Variants in FTO observed in about 807,000 individuals in gnomAD.
FTO encodes the protein FTO alpha-ketoglutarate dependent dioxygenase.
In FTO, 47 loss-of-function variants were observed where a neutral mutation model predicts 63.9. The ratio of observed to expected loss-of-function variants is 0.74; its 90% CI spans 0.58 to 0.94. The LOEUF is 0.94. Among genes scored for constraint, FTO ranks in the 40% least tolerant of loss-of-function variants. The probability of loss-of-function intolerance (pLI) is 0.00; values close to 1 mark genes in which losing one functional copy is unlikely to be tolerated. For missense variants in FTO, 562 were observed against 618.1 expected, an observed-to-expected ratio of 0.91 and a Z score of 0.96; for synonymous variants, 207 against 224.4, an observed-to-expected ratio of 0.92 and a Z score of 0.69.
rs190268468 is a variant in FTO, at chr16:53,761,245, C to A, written c.46-48895C>A. Among the ~76,000 whole-genome samples the A allele has an allele frequency of 2.6e-3, 373 of 143,340 alleles. 1 individual carries two copies. Among genetic ancestry groups the A allele is most frequent in the African/African-American group, 9.5e-3 (350 of 37,002 alleles). 94.0% of individuals were successfully genotyped at this position (143,340 alleles called of 152,430 possible). On this transcript the variant is annotated intron_variant, in intron 1 of 8. Transcript: ENST00000471389. Reference sequence around the variant, plus strand: ...CCAAGTAACTGGGACATCAGGCGCACACCACCACACCCAGCTCATTTTTTT... The same window carrying A: ...CCAAGTAACTGGGACATCAGGCGCAAACCACCACACCCAGCTCATTTTTTT...
chr16:53,861,586 C>G (rs11076003), intron 4 of FTO, among the ~76,000 whole-genome samples: 53,886 of 151,930 alleles, frequency 0.35, 11,645 homozygotes, highest in East Asian at 0.76. Context: ...TGCCCACTTC[C>G]CAGATATTTT....
rs567188510 is a variant in FTO at position 53,755,448 on chromosome 16, G to A, written c.45+51219G>A. 7.9e-5 allele frequency among the ~76,000 whole-genome samples: 12 copies of A among 152,292 alleles called. No individual in the cohort carries two copies. The South Asian group carries it at 8.3e-4, about 11-fold the overall frequency. ...ATTGAGGTGTACTTGAGGGATTACA[G>A]GGAGTACTTCAAACACTCTGTTGTC... On this transcript the variant is annotated intron_variant, in intron 1 of 8. Coordinates refer to ENST00000471389, the MANE Select transcript of FTO (RefSeq NM_001080432.3).
intron 1 of FTO, among the ~76,000 whole-genome samples, chr16:53,753,982 G>A (rs150857221): frequency 1.3e-5 from 2 of 152,224 alleles, no homozygotes; most frequent in African/African-American, 4.8e-5. Context: ...TACAATTGAC[G>A]TCTCCATTTA....
At chr16:53,870,698 C>G (rs1342527261) in intron 4 of FTO, among the ~76,000 whole-genome samples, 3 of 152,142 alleles carry the variant, frequency 2.0e-5, no homozygotes, top group Admixed American at 2.0e-4. Context: ...ATGTTATAAA[C>G]CTCAGAATAC....
chr16:53,779,216 A>G (rs979385915), intron 1 of FTO, among the ~76,000 whole-genome samples: 1 of 152,190 alleles, frequency 6.6e-6, no homozygotes, highest in Non-Finnish European at 1.5e-5. Context: ...TTAACTGATC[A>G]TGTAATAGAA....
intron 8 of FTO, among the ~76,000 whole-genome samples, chr16:53,972,255 G>GAGTATTGGAAATTTCCAGTACT (rs1366126613): frequency 6.6e-5 from 10 of 152,176 alleles, no homozygotes; most frequent in African/African-American, 2.4e-4. Flanking sequence ...CTAAGGCTCG[G>GAGTATTGGAAATTTCCAGTACT]AGTATTGGAA....
intron 8 of FTO, among the ~76,000 whole-genome samples, chr16:54,089,892 G>C (rs2086340915): frequency 6.6e-6 from 1 of 151,472 alleles, no homozygotes; most frequent in Non-Finnish European, 1.5e-5. Context: ...AAAATAACAA[G>C]GCAAGCATGT....
At chr16:53,787,786 T>C (rs2077790407) in intron 1 of FTO, among the ~76,000 whole-genome samples, 1 of 152,128 alleles carries the variant, frequency 6.6e-6, no homozygotes, top group Non-Finnish European at 1.5e-5. Context: ...CCAATAAATA[T>C]ATGAGAAAGA....
At chr16:53,910,672 A>G (rs2081666143) in intron 7 of FTO, among the ~76,000 whole-genome samples, 1 of 152,236 alleles carries the variant, frequency 6.6e-6, no homozygotes, top group Admixed American at 6.5e-5. Flanking sequence ...AAGTAGTGGT[A>G]TTACAGATGC....
chr16:54,027,914 T>C (rs2144193390), intron 8 of FTO, among the ~76,000 whole-genome samples: 1 of 152,314 alleles, frequency 6.6e-6, no homozygotes, highest in Admixed American at 6.5e-5. Context: ...TTTATTAAAT[T>C]AAATGGTTCA....
At chr16:53,724,863 T>C (rs1180789802) in intron 1 of FTO, among the ~76,000 whole-genome samples, 2 of 152,200 alleles carry the variant, frequency 1.3e-5, no homozygotes. Context: ...TGAGGCACCA[T>C]ACCCTCTATT....
chr16:53,736,650 T>G (rs1437942909), intron 1 of FTO, among the ~76,000 whole-genome samples: 1 of 152,224 alleles, frequency 6.6e-6, no homozygotes, highest in Non-Finnish European at 1.5e-5. Flanking sequence ...CCTCTCTTTT[T>G]GCCAATTTCT....
chr16:53,711,574 T>C (rs2075779015), intron 1 of FTO: 1 of 397,038 alleles, frequency 2.5e-6, no homozygotes, highest in South Asian at 1.3e-4. Flanking sequence ...TTTAAAGGTG[T>C]ATCCTTATGA....
intron 8 of FTO, among the ~76,000 whole-genome samples, chr16:54,012,970 G>C (rs1350889714): frequency 6.6e-6 from 1 of 152,194 alleles, no homozygotes; most frequent in Non-Finnish European, 1.5e-5. Context: ...CAGCCCATGG[G>C]TCAAGGAGTA....
At chr16:53,890,905 C>G (rs1360492814) in intron 7 of FTO, among the ~76,000 whole-genome samples, 1 of 152,044 alleles carries the variant, frequency 6.6e-6, no homozygotes, top group Non-Finnish European at 1.5e-5. Flanking sequence ...TGAACCTTGG[C>G]TCTAAGACAT....
At chr16:53,829,996 A>G (rs2079103259) in intron 3 of FTO, among the ~76,000 whole-genome samples, 1 of 152,316 alleles carries the variant, frequency 6.6e-6, no homozygotes, top group South Asian at 2.1e-4. Context: ...TACAGAAGTG[A>G]TTGCTTCCTG....
intron 8 of FTO, among the ~76,000 whole-genome samples, chr16:54,099,202 A>G (rs577030560): frequency 6.6e-6 from 1 of 152,328 alleles, no homozygotes; most frequent in Admixed American, 6.5e-5. Context: ...TGTCGTAGGT[A>G]TAGCATGAAT....
At chr16:54,029,962 A>G (rs775110105) in intron 8 of FTO, among the ~76,000 whole-genome samples, 4 of 152,222 alleles carry the variant, frequency 2.6e-5, no homozygotes, top group African/African-American at 4.8e-5. Flanking sequence ...CAGTAAAGTA[A>G]GCTTCGTAAA....
chr16:53,882,623 G>A (rs1024179742), intron 6 of FTO, among the ~76,000 whole-genome samples: 1 of 152,208 alleles, frequency 6.6e-6, no homozygotes, highest in Non-Finnish European at 1.5e-5. Context: ...ACTTGTAGGA[G>A]AAGAGGTCAT....
Sources: allele counts gnomAD v4.1 joint callset (sites outside exome capture counted in the v4.1 genomes callset), GRCh38; gene constraint gnomAD v4.1.1; transcripts MANE v1.5; gene names NCBI Gene and HGNC (gene_info 2026-07-23, HGNC 2026-07-21).